Variants in CHSY3 observed in about 807,000 individuals in gnomAD.
The protein encoded by CHSY3 is N-acetylgalactosaminyl-proteoglycan 3-beta-glucuronosyltransferase 3.
In CHSY3, 35 loss-of-function variants were observed where a neutral mutation model predicts 67.2. The ratio of observed to expected loss-of-function variants is 0.52; its 90% CI spans 0.40 to 0.69. The LOEUF is 0.69. Ranked by LOEUF, CHSY3 falls within the 30% of genes least tolerant of loss-of-function variation. The pLI, the probability that CHSY3 is intolerant of heterozygous loss-of-function variation, is 0.00. For missense variants in CHSY3, 1,069 were observed against 1,138.5 expected (o/e 0.94, Z 0.88); for synonymous variants, 474 against 434.7 (o/e 1.09, Z -1.12).
intron 2 of CHSY3, among the ~76,000 whole-genome samples, chr5:130,072,222 G>T (rs1359190563): frequency 1.3e-5 from 2 of 151,988 alleles, no homozygotes; most frequent in Non-Finnish European, 2.9e-5. Flanking sequence ...AGAAATCATT[G>T]CCAAGAGCAA....
chr5:129,946,056 C>T (rs1761846288), intron 2 of CHSY3, among the ~76,000 whole-genome samples: 1 of 152,174 alleles, frequency 6.6e-6, no homozygotes, highest in South Asian at 2.1e-4. Context: ...CACAGAAGCA[C>T]AACTGCACTA....
intron 2 of CHSY3, among the ~76,000 whole-genome samples, chr5:129,965,695 A>G (rs1286279565): frequency 6.6e-6 from 1 of 151,934 alleles, no homozygotes; most frequent in African/African-American, 2.4e-5. Context: ...ATAATTGATA[A>G]AGGGTAATTG....
At chr5:130,116,832 G>A (rs1314331383) in intron 2 of CHSY3, among the ~76,000 whole-genome samples, 1 of 151,132 alleles carries the variant, frequency 6.6e-6, no homozygotes, top group Non-Finnish European at 1.5e-5. Flanking sequence ...TTCTCCTGAA[G>A]TGAAAAATTG....
In CHSY3 at chr5:129,993,580, C is replaced by G. The variant is rs529886630; in HGVS notation, c.1086+85220C>G. Among the ~76,000 whole-genome samples the G allele has an allele frequency of 4.6e-5, 7 of 152,198 alleles. No homozygotes were observed. In the East Asian group the frequency reaches 1.2e-3, roughly 25 times the overall value. ...TTTGCTTGATAGATCTTCCCCCATCCCTTTATTTTGAGCCTATGTGTGTCT... is the reference window on the plus strand; with the variant it reads ...TTTGCTTGATAGATCTTCCCCCATCGCTTTATTTTGAGCCTATGTGTGTCT... On this transcript the variant is annotated intron_variant, in intron 2 of 2. Coordinates refer to ENST00000305031, the MANE Select transcript of CHSY3 (RefSeq NM_175856.5).
chr5:130,049,540 G>C (rs908656990), intron 2 of CHSY3, among the ~76,000 whole-genome samples: 2 of 151,972 alleles, frequency 1.3e-5, no homozygotes, highest in African/African-American at 4.8e-5. Context: ...AGAATTTCAG[G>C]AAAAACCTTT....
chr5:130,183,861 A>G (rs887333167), intron 2 of CHSY3, among the ~76,000 whole-genome samples: 11 of 152,000 alleles, frequency 7.2e-5, no homozygotes, highest in Non-Finnish European at 1.2e-4. Context: ...GTTAATAACT[A>G]TATTATATAC....
chr5:130,031,543 G>T (rs1368892262), intron 2 of CHSY3, among the ~76,000 whole-genome samples: 1 of 152,088 alleles, frequency 6.6e-6, no homozygotes, highest in Non-Finnish European at 1.5e-5. Flanking sequence ...GCTTTGGCTA[G>T]TACACCAATA....
chr5:129,996,904 ACTT>A (rs1437431224), intron 2 of CHSY3, among the ~76,000 whole-genome samples: 2 of 152,034 alleles, frequency 1.3e-5, no homozygotes, highest in African/African-American at 2.4e-5. Flanking sequence ...ATATTATTTC[ACTT>A]CTTTTCAGTT....
chr5:130,012,655 G>A (rs1321187538), intron 2 of CHSY3, among the ~76,000 whole-genome samples: 1 of 152,098 alleles, frequency 6.6e-6, no homozygotes, highest in Non-Finnish European at 1.5e-5. Flanking sequence ...TTGCTATCAT[G>A]AGAACACCAT....
intron 2 of CHSY3, among the ~76,000 whole-genome samples, chr5:129,933,372 G>A (rs1761380067): frequency 2.0e-5 from 3 of 152,116 alleles, no homozygotes; most frequent in African/African-American, 7.2e-5. Flanking sequence ...TTCAATTCAT[G>A]TTTGTCCAAC....
At chr5:130,184,067 T>G (rs917307206) in intron 2 of CHSY3, among the ~76,000 whole-genome samples, 162 bp from the exon 3 acceptor site, 1 of 151,828 alleles carries the variant, frequency 6.6e-6, no homozygotes, top group Non-Finnish European at 1.5e-5. Context: ...AATAAAACTA[T>G]TTTAATTTTA....
At chr5:129,978,063 A>G (rs925167598) in intron 2 of CHSY3, among the ~76,000 whole-genome samples, 3 of 152,158 alleles carry the variant, frequency 2.0e-5, no homozygotes, top group Non-Finnish European at 4.4e-5. Flanking sequence ...CCTTTCCAGA[A>G]AGTAAATGTG....
intron 2 of CHSY3, among the ~76,000 whole-genome samples, chr5:130,048,678 T>G (rs1227758534): frequency 6.6e-6 from 1 of 152,048 alleles, no homozygotes; most frequent in Non-Finnish European, 1.5e-5. Flanking sequence ...TCTCCACTTC[T>G]CTCTATATTT....
intron 2 of CHSY3, among the ~76,000 whole-genome samples, chr5:129,949,955 G>A (rs1464983030): frequency 6.6e-6 from 1 of 152,094 alleles, no homozygotes; most frequent in Non-Finnish European, 1.5e-5. Context: ...CCTGAGGTCA[G>A]GAGATCGAGA....
intron 2 of CHSY3, among the ~76,000 whole-genome samples, chr5:129,984,943 T>TA (rs1237090945): frequency 6.6e-6 from 1 of 152,110 alleles, no homozygotes; most frequent in Non-Finnish European, 1.5e-5. Flanking sequence ...GAATGCATAA[T>TA]ATCCAAATAA....
chr5:130,162,232 G>A (rs1211171295), intron 2 of CHSY3, among the ~76,000 whole-genome samples: 1 of 151,940 alleles, frequency 6.6e-6, no homozygotes, highest in East Asian at 1.9e-4. Context: ...CACTTAACCA[G>A]AGATCCATTT....
chr5:130,156,054 GA>G (rs1769367883), intron 2 of CHSY3, among the ~76,000 whole-genome samples: 1 of 152,148 alleles, frequency 6.6e-6, no homozygotes, highest in Non-Finnish European at 1.5e-5. Flanking sequence ...TAGTAATACT[GA>G]ATTTTTACAG....
intron 2 of CHSY3, among the ~76,000 whole-genome samples, chr5:130,040,403 T>C (rs1764975789): frequency 6.6e-6 from 1 of 152,110 alleles, no homozygotes; most frequent in South Asian, 2.1e-4. Flanking sequence ...GTGTCCATTC[T>C]AAAGTTTGCT....
At chr5:130,027,541 A>T (rs1034709532) in intron 2 of CHSY3, among the ~76,000 whole-genome samples, 2 of 152,060 alleles carry the variant, frequency 1.3e-5, no homozygotes, top group African/African-American at 4.8e-5. Flanking sequence ...TTACATATGT[A>T]TACATGTGCC....
Sources: gnomAD v4.1 joint callset for allele counts (sites outside exome capture counted in the v4.1 genomes callset) on GRCh38, gnomAD v4.1.1 for gene constraint, MANE v1.5 for transcripts, NCBI Gene and HGNC (gene_info 2026-07-23, HGNC 2026-07-21) for gene names.